The following MAGI1 variants were observed in gnomAD, a reference collection of about 807,000 sequenced individuals.
MAGI1 encodes membrane-associated guanylate kinase, WW and PDZ domain-containing protein 1.
Under a neutral mutation model 139.9 loss-of-function variants are expected in MAGI1, and 58 were observed. That is an observed-to-expected ratio of 0.41 (90% CI 0.34 to 0.52). MAGI1 has a LOEUF of 0.52. Among genes scored for constraint, MAGI1 ranks in the 20% least tolerant of loss-of-function variants. The pLI is 0.12. For missense variants in MAGI1, 1,874 were observed against 1,901.6 expected, an observed-to-expected ratio of 0.99 and a Z score of 0.27; for synonymous variants, 812 against 737.9, an observed-to-expected ratio of 1.10 and a Z score of -1.63.
intron 2 of MAGI1, among the ~76,000 whole-genome samples, chr3:65,512,909 A>G (rs1300473953): frequency 6.6e-6 from 1 of 150,952 alleles, no homozygotes; most frequent in African/African-American, 2.4e-5. Context: ...AATCCTCAAT[A>G]AAATACTGGC....
At chr3:65,489,502 G>A (rs985263027) in intron 3 of MAGI1, among the ~76,000 whole-genome samples, 6 of 152,218 alleles carry the variant, frequency 3.9e-5, no homozygotes, top group East Asian at 3.9e-4. Context: ...AAAAACAGAA[G>A]GGGGAGGTGA....
At chr3:65,568,565 T>C (rs2080790262) in intron 2 of MAGI1, among the ~76,000 whole-genome samples, 1 of 152,196 alleles carries the variant, frequency 6.6e-6, no homozygotes, top group East Asian at 1.9e-4. Context: ...TATAGCAGTG[T>C]ACTGGATAAT....
intron 16 of MAGI1, 31 bp from the exon 17 acceptor site, chr3:65,379,585 C>T (rs376268724): frequency 7.6e-6 from 12 of 1,581,172 alleles, no homozygotes; most frequent in African/African-American, 2.7e-5. Flanking sequence ...CGTACATCAC[C>T]GTGTCCTGCA....
chr3:65,947,695 C>A (rs2063600238), intron 1 of MAGI1, among the ~76,000 whole-genome samples: 1 of 152,122 alleles, frequency 6.6e-6, no homozygotes, highest in Admixed American at 6.6e-5. Flanking sequence ...CAGCTCACTG[C>A]AGCTTGGATC....
At chr3:65,846,983 A>AAC (rs1553716725) in intron 1 of MAGI1, among the ~76,000 whole-genome samples, 1 of 147,380 alleles carries the variant, frequency 6.8e-6, no homozygotes, top group Non-Finnish European at 1.5e-5. Context: ...TTACAAAAAA[A>AAC]AAAAAAAAAA....
chr3:65,396,958 T>G (rs1472471621), intron 13 of MAGI1, among the ~76,000 whole-genome samples: 1 of 152,204 alleles, frequency 6.6e-6, no homozygotes, highest in Non-Finnish European at 1.5e-5. Context: ...GAAAATGGGT[T>G]CTGGTTCACA....
chr3:65,487,002 T>C (rs1951679529), intron 3 of MAGI1, among the ~76,000 whole-genome samples: 1 of 152,196 alleles, frequency 6.6e-6, no homozygotes, highest in Non-Finnish European at 1.5e-5. Context: ...CAAATTCAGC[T>C]TTTCACATAA....
intron 1 of MAGI1, among the ~76,000 whole-genome samples, chr3:65,937,541 C>G (rs753886344): frequency 1.1e-4 from 16 of 152,074 alleles, no homozygotes; most frequent in Non-Finnish European, 2.2e-4. Flanking sequence ...GGTCTGACCA[C>G]AGGCACCGGC....
At chr3:65,958,214 C>T (rs553569843) in intron 1 of MAGI1, among the ~76,000 whole-genome samples, 1 of 152,264 alleles carries the variant, frequency 6.6e-6, no homozygotes, top group South Asian at 2.1e-4. Context: ...ACCTTCAAGT[C>T]TAAATCAAGT....
chr3:65,568,304 G>A (rs1255314413), intron 2 of MAGI1, among the ~76,000 whole-genome samples: 1 of 152,040 alleles, frequency 6.6e-6, no homozygotes, highest in Non-Finnish European at 1.5e-5. Flanking sequence ...TTTTTGACTG[G>A]ACACTTTTTT....
intron 2 of MAGI1, among the ~76,000 whole-genome samples, chr3:65,520,689 C>T (rs2078111641): frequency 6.6e-6 from 1 of 152,140 alleles, no homozygotes; most frequent in Non-Finnish European, 1.5e-5. Flanking sequence ...CGGATTTCCA[C>T]TACATTAAGA....
chr3:65,664,100 T>C (rs1363001648), intron 1 of MAGI1, among the ~76,000 whole-genome samples: 4 of 152,194 alleles, frequency 2.6e-5, no homozygotes, highest in African/African-American at 9.7e-5. Flanking sequence ...TACTGCTCCA[T>C]GCCATTGCAA....
intron 14 of MAGI1, among the ~76,000 whole-genome samples, chr3:65,387,726 T>C (rs1211426225): frequency 6.6e-6 from 1 of 152,214 alleles, no homozygotes; most frequent in African/African-American, 2.4e-5. Flanking sequence ...GATCAATGGA[T>C]CTATCCGAGA....
At chr3:65,438,796 TAA>T (rs1204043544) in intron 9 of MAGI1, among the ~76,000 whole-genome samples, 16 of 152,332 alleles carry the variant, frequency 1.1e-4, no homozygotes, top group Admixed American at 6.5e-4. Flanking sequence ...ACAGTGCCCA[TAA>T]AGTTTTATTT....
chr3:65,841,661 C>A (rs2058811833), intron 1 of MAGI1, among the ~76,000 whole-genome samples: 1 of 152,040 alleles, frequency 6.6e-6, no homozygotes, highest in African/African-American at 2.4e-5. Flanking sequence ...CTCCTGACCT[C>A]ATGATCCACC....
chr3:65,468,842 A>G (rs1112402), intron 5 of MAGI1, among the ~76,000 whole-genome samples: 88,307 of 151,540 alleles, frequency 0.58, 26,425 homozygotes, highest in East Asian at 0.94. Context: ...AGGCTGAGGC[A>G]GGAGGATCAC....
Position 65,990,204 on chromosome 3 carries a change from C to T in MAGI1, c.313+47792G>A, listed in dbSNP as rs376950373. Among the ~76,000 whole-genome samples, 5 of 152,006 alleles carry T rather than the reference C, an allele frequency of 3.3e-5. No individual in the cohort carries two copies. The East Asian group carries it at 9.7e-4, about 29-fold the overall frequency. On this transcript the variant is annotated intron_variant, in intron 1 of 22. Coordinates refer to ENST00000402939, the MANE Select transcript of MAGI1 (RefSeq NM_001033057.2). ...AAGAAAGAGGTAATACAAGTCACCA[C>T]GGCAAGGTGCGGGATCATGAACTCA... is the stretch of plus-strand genomic sequence containing the variant.
At chr3:65,514,777 A>C (rs903129891) in intron 2 of MAGI1, among the ~76,000 whole-genome samples, 2 of 70,672 alleles carry the variant, frequency 2.8e-5, no homozygotes, top group African/African-American at 6.5e-5. Context: ...TAGAATTAGA[A>C]ATACCATTTG....
chr3:65,488,187 T>C (rs11710619), intron 3 of MAGI1, among the ~76,000 whole-genome samples: 50,215 of 152,018 alleles, frequency 0.33, 9,393 homozygotes, highest in East Asian at 0.73. Flanking sequence ...GATTACTAAA[T>C]TCAAACACCA....
Sources: gnomAD v4.1 joint callset for allele counts (sites outside exome capture counted in the v4.1 genomes callset) on GRCh38, gnomAD v4.1.1 for gene constraint, MANE v1.5 for transcripts, NCBI Gene and HGNC (gene_info 2026-07-23, HGNC 2026-07-21) for gene names.